Variants in FREM2 observed in about 807,000 individuals in gnomAD.
The protein encoded by FREM2 is FRAS1 related extracellular matrix 2, also known as FRAS1-related extracellular matrix protein 2.
Under a neutral mutation model 219.9 loss-of-function variants are expected in FREM2, and 119 were observed. The observed-to-expected ratio is 0.54, with a 90% CI of 0.47 to 0.63. FREM2 has a LOEUF of 0.63. Among genes scored for constraint, FREM2 ranks in the 30% least tolerant of loss-of-function variants. The pLI, the probability that FREM2 is intolerant of heterozygous loss-of-function variation, is 0.00. For synonymous variants in FREM2, 1,562 were observed against 1,522.8 expected (o/e 1.03, Z -0.60); for missense variants, 4,030 against 3,993.6 (o/e 1.01, Z -0.25).
intron 6 of FREM2, among the ~76,000 whole-genome samples, chr13:38,844,934 T>C (rs1271219856): frequency 6.6e-6 from 1 of 152,198 alleles, no homozygotes; most frequent in Non-Finnish European, 1.5e-5. Flanking sequence ...AGGAATGTAT[T>C]GGCTTGTAAT....
rs568133711 is a variant in FREM2, at chr13:38,872,978, T to C, written c.8176+44T>C. On this transcript the variant is annotated intron_variant, in intron 17 of 23. Coordinates refer to ENST00000280481, the MANE Select transcript of FREM2 (RefSeq NM_207361.6). ...GAAAATTCTATAGTTTTGTAACCTATTTAAACTATTTAAGACGATTTTTTT... is the reference window on the plus strand; with the variant it reads ...GAAAATTCTATAGTTTTGTAACCTACTTAAACTATTTAAGACGATTTTTTT... The C allele has an allele frequency of 5.7e-6, 9 of 1,566,566 alleles. No individual in the cohort carries two copies. The South Asian group carries it at 7.8e-5, about 14-fold the overall frequency.
At chr13:38,719,285 A>G (rs538566473) in intron 2 of FREM2, among the ~76,000 whole-genome samples, 1 of 152,214 alleles carries the variant, frequency 6.6e-6, no homozygotes, top group African/African-American at 2.4e-5. Context: ...CAGTGGCACA[A>G]TCTCTGCTTG....
intron 2 of FREM2, among the ~76,000 whole-genome samples, chr13:38,705,275 A>G (rs1870494319): frequency 6.6e-6 from 1 of 152,170 alleles, no homozygotes. Context: ...GTGTAGGGTA[A>G]GAAAAAAGGA....
chr13:38,756,415 C>A (rs1873000553), intron 2 of FREM2, among the ~76,000 whole-genome samples: 1 of 152,074 alleles, frequency 6.6e-6, no homozygotes, highest in African/African-American at 2.4e-5. Flanking sequence ...ACGGCACACT[C>A]ACAGTCTGAA....
At chr13:38,710,512 C>T (rs1870727183) in intron 2 of FREM2, among the ~76,000 whole-genome samples, 1 of 152,182 alleles carries the variant, frequency 6.6e-6, no homozygotes, top group Non-Finnish European at 1.5e-5. Flanking sequence ...AGATGCATTT[C>T]ACCCTAACAA....
At position 38,776,660 on chromosome 13, in the gene FREM2, C is replaced by T. The variant is rs185690363; in HGVS notation, c.5642-6410C>T. On this transcript the variant is annotated intron_variant, in intron 4 of 23. Transcript: ENST00000280481. ...AATCAATCTGGAAGTATAAAAGTAA[C>T]ACATGTTCATTGTCAAAAACGAATA... is the stretch of plus-strand genomic sequence containing the variant. Among the ~76,000 whole-genome samples, 4 of 152,004 alleles carry T rather than the reference C, an allele frequency of 2.6e-5. No homozygotes were observed. The South Asian group carries it at 8.3e-4, about 31-fold the overall frequency.
chr13:38,774,629 A>G (rs1873801580), intron 4 of FREM2, among the ~76,000 whole-genome samples: 1 of 152,194 alleles, frequency 6.6e-6, no homozygotes, highest in African/African-American at 2.4e-5. Flanking sequence ...TGCTCTTTAA[A>G]GCATATAGAT....
Position 38,692,535 on chromosome 13 carries a change from T to G in FREM2, c.5173+18T>G, listed in dbSNP as rs767917432. 1 of 1,604,926 alleles carries G rather than the reference T, an allele frequency of 6.2e-7. No individual in the cohort carries two copies. The highest frequency in any genetic ancestry group is 1.7e-5 in the Admixed American group (1 of 60,024). On this transcript the variant is annotated intron_variant, in intron 1 of 23. Transcript: ENST00000280481. ...CACACAAGGTATGTTTCATGTTTCT[T>G]TTCTTGGTTATCCTTGTTTCCTGAG...
Position 38,692,136 on chromosome 13 carries a change from A to T in FREM2, c.4792A>T (p.Asn1598Tyr). The change falls in exon 1 of 24, where the codon AAT (asparagine) becomes TAT (tyrosine). Residue 1598 changes from asparagine (N) to tyrosine (Y), a missense_variant. By Grantham distance (143) the Asn-to-Tyr change is moderately radical. Coordinates refer to ENST00000280481, the MANE Select transcript of FREM2 (RefSeq NM_207361.6). ...CATGGTTTTTACCAAGCAAGACTTGAATGAAAACTTAATCAGCTACAAACA... is the reference window on the plus strand; with the variant it reads ...CATGGTTTTTACCAAGCAAGACTTGTATGAAAACTTAATCAGCTACAAACA... ...PVMVFTKQDL[N>Y]ENLISYKHDG... The T allele has an allele frequency of 7.4e-6, 12 of 1,614,216 alleles. No homozygotes were observed. The highest frequency in any genetic ancestry group is 8.5e-6 in the Non-Finnish European group (10 of 1,180,046).
At chr13:38,717,810 A>G (rs1871071010) in intron 2 of FREM2, among the ~76,000 whole-genome samples, 1 of 152,224 alleles carries the variant, frequency 6.6e-6, no homozygotes. Flanking sequence ...ACTTGACAAA[A>G]TGACCTTTCA....
chr13:38,787,543 G>A (rs7335905), intron 6 of FREM2, among the ~76,000 whole-genome samples: 77,524 of 151,658 alleles, frequency 0.51, 21,756 homozygotes, highest in Non-Finnish European at 0.64. Flanking sequence ...CTTTGCCATC[G>A]TCAGGAAGAT....
At chr13:38,694,371 A>G (rs1451819846) in intron 1 of FREM2, among the ~76,000 whole-genome samples, 2 of 152,222 alleles carry the variant, frequency 1.3e-5, no homozygotes, top group South Asian at 2.1e-4. Context: ...TTGGTATTCA[A>G]TCACATGGCA....
In FREM2 at chr13:38,687,731, C is replaced by A; in HGVS notation, c.387C>A (p.Cys129Ter). Residue 129 changes from cysteine to a stop codon, truncating the protein, a stop_gained, in exon 1 of 24, where the codon TGC (cysteine) becomes TGA (stop). Transcript: ENST00000280481. LOFTEE classifies it high-confidence loss of function. ...GCCTGAGTCCCAAGCGCTTCCCGTG[C>A]GACTTTGGCCCTGGCGAGGTGCGCT... ...PGRLSPKRFP[C>*]DFGPGEVRYS... is the part of the protein sequence containing the mutation. 2 of 1,546,362 alleles carry A rather than the reference C, an allele frequency of 1.3e-6. No individual in the cohort carries two copies. The highest frequency in any genetic ancestry group is 1.2e-5 in the South Asian group (1 of 80,748).
chr13:38,703,230 A>G (rs1870409930), intron 2 of FREM2, among the ~76,000 whole-genome samples: 1 of 152,166 alleles, frequency 6.6e-6, no homozygotes. Context: ...GGAAAAATAT[A>G]AATAGAGTAA....
chr13:38,763,561 A>G (rs1424128158), intron 2 of FREM2, among the ~76,000 whole-genome samples: 1 of 149,694 alleles, frequency 6.7e-6, no homozygotes, highest in Non-Finnish European at 1.5e-5. Flanking sequence ...ATTGGTGTAG[A>G]TCAAAGGAAG....
chr13:38,696,850 C>T (rs147805465), intron 1 of FREM2, among the ~76,000 whole-genome samples: 1,923 of 151,630 alleles, frequency 0.013, 19 homozygotes, highest in Admixed American at 0.018. Flanking sequence ...TTCTCTTGCC[C>T]AGGCTAGAGT....
intron 6 of FREM2, among the ~76,000 whole-genome samples, chr13:38,839,571 T>C (rs2137897883): frequency 6.6e-6 from 1 of 152,288 alleles, no homozygotes; most frequent in East Asian, 1.9e-4. Context: ...CAGTCGCCCC[T>C]TCCCCAAGGT....
chr13:38,743,134 T>C (rs953904110), intron 2 of FREM2, among the ~76,000 whole-genome samples: 3 of 152,098 alleles, frequency 2.0e-5, no homozygotes, highest in Admixed American at 2.0e-4. Context: ...CAAGCCCCAA[T>C]GTGAGGGTCT....
At chr13:38,716,574 A>G (rs995553015) in intron 2 of FREM2, among the ~76,000 whole-genome samples, 7 of 151,814 alleles carry the variant, frequency 4.6e-5, no homozygotes, top group African/African-American at 1.7e-4. Flanking sequence ...GTGCAGTGGC[A>G]TGATCTCAGC....
Sources: gnomAD v4.1 joint callset for allele counts (sites outside exome capture counted in the v4.1 genomes callset) on GRCh38, gnomAD v4.1.1 for gene constraint, MANE v1.5 for transcripts, NCBI Gene and HGNC (gene_info 2026-07-23, HGNC 2026-07-21) for gene names.